OVGP1: variants seen among roughly 807,000 people sequenced by gnomAD.
OVGP1 encodes oviductal glycoprotein 1.
In OVGP1, 26 loss-of-function variants were observed where a neutral mutation model predicts 48.2. The observed-to-expected ratio is 0.54, with a 90% confidence interval of 0.40 to 0.75. The LOEUF (loss-of-function observed/expected upper bound fraction) is 0.75, where lower values mean the gene tolerates loss of function less well. Ranked by LOEUF, OVGP1 falls within the 30% of genes least tolerant of loss-of-function variation. The pLI, the probability that OVGP1 is intolerant of heterozygous loss-of-function variation, is 0.00. For synonymous variants in OVGP1, 294 were observed against 305.7 expected, an observed-to-expected ratio of 0.96 and a Z score of 0.40; for missense variants, 791 against 820.6, an observed-to-expected ratio of 0.96 and a Z score of 0.44.
chr1:111,424,031 C>A (rs1430608389), intron 4 of OVGP1, among the ~76,000 whole-genome samples: 1 of 152,216 alleles, frequency 6.6e-6, no homozygotes, highest in East Asian at 1.9e-4. Flanking sequence ...GCTCTGCCCC[C>A]AAAACATGGT....
chr1:111,415,897 C>T (rs1652124423), intron 10 of OVGP1, among the ~76,000 whole-genome samples: 1 of 152,152 alleles, frequency 6.6e-6, no homozygotes, highest in Admixed American at 6.5e-5. Context: ...CGTAAGGATG[C>T]TTCACCTCTT....
In OVGP1 at chr1:111,415,152, G is replaced by A. The variant is rs781340116; in HGVS notation, c.1349C>T (p.Thr450Ile). 1.2e-6 allele frequency: 2 copies of A among 1,614,106 alleles called. No individual in the cohort carries two copies. The highest frequency in any genetic ancestry group is 1.1e-5 in the South Asian group (1 of 91,090). The change falls in exon 11 of 11, where the codon ACT becomes ATT. Residue 450 changes from threonine to isoleucine, a missense_variant. By Grantham distance (89) the Thr-to-Ile change is moderately conservative (BLOSUM62 -1). Coordinates refer to ENST00000369732, the MANE Select transcript of OVGP1 (RefSeq NM_002557.4). ...TACAGTTTCCTTTGTAGGGGTCACAGTTGTACCTCTAGGGGTTATAGTCAT... is the reference window on the plus strand; with the variant it reads ...TACAGTTTCCTTTGTAGGGGTCACAATTGTACCTCTAGGGGTTATAGTCAT... Reference protein sequence around the residue: ...ENMTITPRGTTVTPTKETVSL... With the variant: ...ENMTITPRGTIVTPTKETVSL...
chr1:111,414,902 G>A lies in OVGP1; in HGVS notation c.1599C>T (p.Thr533=). Residue 533 remains threonine (T), a synonymous_variant, in exon 11 of 11, where the codon ACC becomes ACT. Coordinates refer to ENST00000369732, the MANE Select transcript of OVGP1 (RefSeq NM_002557.4). ...TLTPVGHQSV[T]PVSHQSVSPG... ...GGCTCACAGACTGATGACTCACAGG[G>A]GTCACAGACTGATGACCCACAGGGG... 1.3e-6 allele frequency: 1 copy of A among 754,700 alleles called. No homozygotes were observed. Among genetic ancestry groups the A allele is most frequent in the Non-Finnish European group, 1.9e-6 (1 of 534,834 alleles). The allele number at this position is 754,700 out of a possible 1,614,324, so 46.8% of individuals were successfully genotyped here.
rs559936036 is a variant in OVGP1, at chr1:111,424,930, A to G, written c.317+453T>C. The stretch of plus-strand genomic sequence containing the variant: ...CAAGAGCAGCTGCTACATACTGAAC[A>G]TGTACTATGTCCCAGCACTAAGCTT... On this transcript the variant is annotated intron_variant, in intron 4 of 10. Coordinates refer to ENST00000369732, the MANE Select transcript of OVGP1 (RefSeq NM_002557.4). Among the ~76,000 whole-genome samples, 39 of 152,330 alleles carry G rather than the reference A, an allele frequency of 2.6e-4. 1 individual carries two copies. The South Asian group carries it at 2.9e-3, about 11-fold the overall frequency.
intron 8 of OVGP1, among the ~76,000 whole-genome samples, chr1:111,420,834 C>G (rs926019722): frequency 6.6e-6 from 1 of 151,948 alleles, no homozygotes; most frequent in Admixed American, 6.6e-5. Context: ...AGGGAGGGAG[C>G]CAGCAGAGAT....
intron 3 of OVGP1, 172 bp from the exon 4 acceptor site, chr1:111,425,611 G>A: frequency 8.2e-7 from 1 of 1,218,298 alleles, no homozygotes; most frequent in Non-Finnish European, 1.1e-6. Flanking sequence ...GCACAGGAGA[G>A]AGGAGGAAAG....
intron 8 of OVGP1, 99 bp from the exon 9 acceptor site, chr1:111,419,825 C>G: frequency 1.3e-6 from 1 of 757,160 alleles, no homozygotes. Context: ...CCAAGAATCC[C>G]TAACCAGCGA....
rs759414537 is a variant in OVGP1 at position 111,416,306 on chromosome 1, A to G, written c.1156+17T>C. 3.2e-6 allele frequency: 5 copies of G among 1,551,674 alleles called. No homozygotes were observed. In the South Asian group the frequency reaches 6.2e-5, roughly 19 times the overall value. On this transcript the variant is annotated intron_variant, in intron 10 of 10. Coordinates refer to ENST00000369732, the MANE Select transcript of OVGP1 (RefSeq NM_002557.4). ...TATGCAACTTCCAACCCCAGCTTCT[A>G]GGTCACAGCTACTTACCAGCCCGCA...
intron 10 of OVGP1, among the ~76,000 whole-genome samples, chr1:111,416,073 C>T (rs1037770590): frequency 6.6e-6 from 1 of 152,208 alleles, no homozygotes; most frequent in Non-Finnish European, 1.5e-5. Context: ...CCATAGCTCA[C>T]TTAGTTCTTA....
In OVGP1 at chr1:111,416,424, GC is replaced by G. The variant is rs763064364; in HGVS notation, c.1054del (p.Ala352ProfsTer27). On this transcript the variant is annotated frameshift_variant, in exon 10 of 11. Coordinates refer to ENST00000369732, the MANE Select transcript of OVGP1 (RefSeq NM_002557.4). LOFTEE classifies it high-confidence loss of function. ...ATCCATGTCCAATGTCCACACCATG[GC>G]CCCCCCAAAATGCTCTCGCCTTATA... Reference protein sequence around the residue: ...WFIRREHFGGAMVWTLDMDDV... With the variant: ...WFIRREHFGGXMVWTLDMDDV... 4 of 1,605,456 alleles carry G rather than the reference GC, an allele frequency of 2.5e-6. No homozygotes were observed. The highest frequency in any genetic ancestry group is 1.7e-5 in the Admixed American group (1 of 58,666).
At chr1:111,424,958 CATT>C (rs888152935) in intron 4 of OVGP1, among the ~76,000 whole-genome samples, 4 of 152,202 alleles carry the variant, frequency 2.6e-5, no homozygotes, top group African/African-American at 9.7e-5. Context: ...CTAAGCTTAG[CATT>C]TTGTTATTTC....
At chr1:111,426,855 G>A (rs1042332490) in intron 2 of OVGP1, 6 of 1,548,330 alleles carry the variant, frequency 3.9e-6, no homozygotes, top group African/African-American at 2.7e-5. Context: ...TGAAATCCTG[G>A]TCAGAACAGA....
intron 9 of OVGP1, among the ~76,000 whole-genome samples, chr1:111,418,923 A>G (rs1376063061): frequency 6.6e-6 from 1 of 152,232 alleles, no homozygotes. Context: ...TTAGTTCACT[A>G]TAAAAACCTG....
chr1:111,415,103 A>C lies in OVGP1; in HGVS notation c.1398T>G (p.Ala466=). ...ETVSLGKHTV[A]LGEKTEITGA... is the part of the protein sequence containing the mutation. ...CAGTGATCTCAGTCTTCTCTCCTAG[A>C]GCTACAGTGTGCTTTCCAAGGGATA... The change falls in exon 11 of 11, where the codon GCT becomes GCG. Residue 466 remains alanine (A), a synonymous_variant. Coordinates refer to ENST00000369732, the MANE Select transcript of OVGP1 (RefSeq NM_002557.4). The C allele has an allele frequency of 6.2e-7, 1 of 1,614,108 alleles. No individual in the cohort carries two copies. Among genetic ancestry groups the C allele is most frequent in the Non-Finnish European group, 8.5e-7 (1 of 1,179,992 alleles).
At chr1:111,423,102 G>A (rs752787952) in intron 5 of OVGP1, 51 bp from the exon 6 acceptor site, 2 of 1,608,820 alleles carry the variant, frequency 1.2e-6, no homozygotes, top group Non-Finnish European at 1.7e-6. Context: ...AGAGAGGCGG[G>A]GCCTGGGGGG....
chr1:111,425,705 T>C (rs1264889), intron 3 of OVGP1, among the ~76,000 whole-genome samples: 74,384 of 152,068 alleles, frequency 0.49, 19,523 homozygotes, highest in East Asian at 0.74. Flanking sequence ...CGCATGTCCC[T>C]ATGATGCTTC....
chr1:111,419,833 C>T (rs1264881), intron 8 of OVGP1, 107 bp from the exon 9 acceptor site: 291,326 of 708,004 alleles, frequency 0.41, 61,925 homozygotes, highest in East Asian at 0.58. Context: ...CCCTAACCAG[C>T]GAATGAGAAG....
chr1:111,415,022 G>C lies in OVGP1; in HGVS notation c.1479C>G (p.Ala493=). 1 of 1,612,206 alleles carries C rather than the reference G, an allele frequency of 6.2e-7. No individual in the cohort carries two copies. The highest frequency in any genetic ancestry group is 8.5e-7 in the Non-Finnish European group (1 of 1,178,596). Residue 493 remains alanine (A), a synonymous_variant, in exon 11 of 11, where the codon GCC becomes GCG. Transcript: ENST00000369732. ...CAGATTGATGACCCACAGGGGTCAG[G>C]GCCTTCTCTCCAGGGGTCATGGACT... ...GHQSMTPGEK[A]LTPVGHQSVT...
chr1:111,421,428 C>T lies in OVGP1; in HGVS notation c.751G>A (p.Ala251Thr), dbSNP rs745311186. The change falls in exon 8 of 11, where the codon GCA (alanine) becomes ACA (threonine). Residue 251 changes from alanine to threonine, a missense_variant. Ala to Thr is a moderately conservative substitution (Grantham distance 58). Transcript: ENST00000369732. ...YAMNYWRKLG[A>T]PSEKLIMGIP... ...CCCATGATGAGCTTCTCTGAGGGTG[C>T]CCCAAGCTTTCTCCAATAATTCATA... 5.6e-6 allele frequency: 9 copies of T among 1,611,712 alleles called. No homozygotes were observed. Among genetic ancestry groups the T allele is most frequent in the Admixed American group, 3.4e-5 (2 of 59,568 alleles).
Sources: gnomAD v4.1 joint callset for allele counts (sites outside exome capture counted in the v4.1 genomes callset) on GRCh38, gnomAD v4.1.1 for gene constraint, MANE v1.5 for transcripts, NCBI Gene and HGNC (gene_info 2026-07-23, HGNC 2026-07-21) for gene names.